ERC2: variants seen among roughly 807,000 people sequenced by gnomAD.
The protein encoded by ERC2 is ERC protein 2.
A neutral mutation model predicts 114.8 loss-of-function variants in ERC2; 42 were observed. The ratio of observed to expected loss-of-function variants is 0.37; its 90% CI spans 0.29 to 0.47. The LOEUF is 0.47. Ranked by LOEUF, ERC2 falls within the 20% of genes least tolerant of loss-of-function variation. ERC2 has a pLI of 0.99. For synonymous variants in ERC2, 454 were observed against 425.5 expected (o/e 1.07, Z -0.82); for missense variants, 939 against 1,150.7 (o/e 0.82, Z 2.66).
At chr3:55,842,373 G>A (rs906467584) in intron 14 of ERC2, among the ~76,000 whole-genome samples, 10 of 152,126 alleles carry the variant, frequency 6.6e-5, no homozygotes, top group Admixed American at 1.3e-4. Context: ...TGGGTGTCCC[G>A]TTCCAGGGAC....
intron 17 of ERC2, among the ~76,000 whole-genome samples, chr3:55,663,700 T>G (rs2061236815): frequency 6.6e-6 from 1 of 152,188 alleles, no homozygotes; most frequent in Non-Finnish European, 1.5e-5. Flanking sequence ...CTTTGCATTG[T>G]TTTTAGCTCT....
intron 14 of ERC2, among the ~76,000 whole-genome samples, chr3:55,876,835 G>A (rs2149295271): frequency 6.6e-6 from 1 of 152,310 alleles, no homozygotes; most frequent in South Asian, 2.1e-4. Flanking sequence ...TCTGAGAACT[G>A]TGTCAATTCC....
At chr3:55,845,395 T>A (rs893975548) in intron 14 of ERC2, among the ~76,000 whole-genome samples, 1 of 148,780 alleles carries the variant, frequency 6.7e-6, no homozygotes, top group African/African-American at 2.5e-5. Context: ...TCCCAGCTGC[T>A]TGGGAGGCTG....
chr3:55,753,307 T>C (rs1411074110), intron 14 of ERC2, among the ~76,000 whole-genome samples: 1 of 152,188 alleles, frequency 6.6e-6, no homozygotes, highest in Non-Finnish European at 1.5e-5. Context: ...TCCAATTTTA[T>C]ATATGTGCCT....
At chr3:55,658,273 C>G (rs144585647) in intron 17 of ERC2, 3 of 152,122 alleles carry the variant, frequency 2.0e-5, no homozygotes, top group Non-Finnish European at 4.4e-5. Flanking sequence ...CTGTCGCTCC[C>G]GGTACCCCAA....
At chr3:55,574,121 T>G (rs1226678956) in intron 17 of ERC2, among the ~76,000 whole-genome samples, 2 of 152,196 alleles carry the variant, frequency 1.3e-5, no homozygotes, top group African/African-American at 4.8e-5. Context: ...TTGCATGTGC[T>G]ATTTTTTATC....
intron 14 of ERC2, among the ~76,000 whole-genome samples, chr3:55,773,586 T>C (rs930015729): frequency 6.6e-6 from 1 of 152,250 alleles, no homozygotes; most frequent in Non-Finnish European, 1.5e-5. Flanking sequence ...ATTTCTCCCT[T>C]GTTGAGAATA....
chr3:56,300,189 A>G (rs1402644989), intron 2 of ERC2, among the ~76,000 whole-genome samples: 1 of 152,050 alleles, frequency 6.6e-6, no homozygotes, highest in African/African-American at 2.4e-5. Flanking sequence ...GCAGGAAAGA[A>G]GAAAGGGAGC....
chr3:56,314,409 A>T lies in ERC2; in HGVS notation c.658-17974T>A, dbSNP rs570932794. On this transcript the variant is annotated intron_variant, in intron 2 of 17. Coordinates refer to ENST00000288221, the MANE Select transcript of ERC2 (RefSeq NM_015576.3). The stretch of plus-strand genomic sequence containing the variant: ...TAAGTACCCTAGCCAACAGGAAGCC[A>T]TCATTTTCAAGCTCCTACTATTATT... Among the ~76,000 whole-genome samples the T allele has an allele frequency of 4.1e-5, 6 of 144,844 alleles. No individual in the cohort carries two copies. The South Asian group carries it at 8.6e-4, about 21-fold the overall frequency.
intron 13 of ERC2, among the ~76,000 whole-genome samples, chr3:55,894,794 C>T (rs1267600761): frequency 6.6e-6 from 1 of 152,160 alleles, no homozygotes; most frequent in Non-Finnish European, 1.5e-5. Flanking sequence ...CATAACTTAG[C>T]TCAAAGGGTT....
Position 56,080,878 on chromosome 3 carries a change from A to C in ERC2, c.1580T>G (p.Ile527Ser). The C allele has an allele frequency of 6.2e-7, 1 of 1,613,672 alleles. No individual in the cohort carries two copies. The highest frequency in any genetic ancestry group is 8.5e-7 in the Non-Finnish European group (1 of 1,179,730). The change falls in exon 7 of 18, where the codon ATT (isoleucine) becomes AGT (serine). Residue 527 changes from isoleucine (I) to serine (S), a missense_variant. Ile to Ser is a moderately radical substitution (Grantham distance 142). Coordinates refer to ENST00000288221, the MANE Select transcript of ERC2 (RefSeq NM_015576.3). ...TTCTAACATATCTTTCATGTCACGAATTTCACCGGCCAGTGTCCCCTTCTC... is the reference window on the plus strand; with the variant it reads ...TTCTAACATATCTTTCATGTCACGACTTTCACCGGCCAGTGTCCCCTTCTC... ...TEEKGTLAGE[I>S]RDMKDMLEVK...
chr3:55,947,918 C>A (rs889072000), intron 13 of ERC2, among the ~76,000 whole-genome samples: 1 of 152,152 alleles, frequency 6.6e-6, no homozygotes, highest in Non-Finnish European at 1.5e-5. Flanking sequence ...ATGTTAAAAG[C>A]CTAGACCCTG....
chr3:55,610,762 A>C (rs1051406020), intron 17 of ERC2: 1 of 152,236 alleles, frequency 6.6e-6, no homozygotes, highest in African/African-American at 2.4e-5. Context: ...GACTTGACCC[A>C]TTAAGGACAA....
chr3:56,138,351 C>T (rs981551868), intron 6 of ERC2, among the ~76,000 whole-genome samples: 9 of 152,212 alleles, frequency 5.9e-5, no homozygotes, highest in African/African-American at 1.4e-4. Flanking sequence ...TGAGCCACCG[C>T]GCCCAGCCTG....
chr3:55,807,851 T>A (rs1273891349), intron 14 of ERC2, among the ~76,000 whole-genome samples: 1 of 152,188 alleles, frequency 6.6e-6, no homozygotes, highest in Non-Finnish European at 1.5e-5. Flanking sequence ...TGGGCTTATT[T>A]AGACTGTCCT....
chr3:55,575,583 A>G (rs2056935928), intron 17 of ERC2, among the ~76,000 whole-genome samples: 1 of 152,226 alleles, frequency 6.6e-6, no homozygotes, highest in Non-Finnish European at 1.5e-5. Context: ...AAAAGTAAGT[A>G]GGACACAGAA....
chr3:55,558,500 T>C (rs1390660385), intron 17 of ERC2, among the ~76,000 whole-genome samples: 1 of 152,212 alleles, frequency 6.6e-6, no homozygotes, highest in African/African-American at 2.4e-5. Flanking sequence ...GCCACTGAAT[T>C]CCTCTTTAGC....
intron 6 of ERC2, among the ~76,000 whole-genome samples, chr3:56,138,051 CTTTTTT>C (rs920983143): frequency 1.3e-4 from 12 of 92,628 alleles, no homozygotes; most frequent in South Asian, 1.1e-3. Flanking sequence ...AATGGTATTT[CTTTTTT>C]TTTTTTTTTT....
intron 17 of ERC2, among the ~76,000 whole-genome samples, chr3:55,579,572 C>T (rs1323783465): frequency 6.6e-6 from 1 of 152,224 alleles, no homozygotes; most frequent in African/African-American, 2.4e-5. Context: ...TGGCTTCAGA[C>T]CTCTCTTTCC....
Sources: allele counts gnomAD v4.1 joint callset (sites outside exome capture counted in the v4.1 genomes callset), GRCh38; gene constraint gnomAD v4.1.1; transcripts MANE v1.5; gene names NCBI Gene and HGNC (gene_info 2026-07-23, HGNC 2026-07-21).